DCK: variants seen among roughly 807,000 people sequenced by gnomAD.
DCK encodes deoxycytidine kinase, also known as deoxyadenosine kinase.
Under a neutral mutation model 38.3 loss-of-function variants are expected in DCK, and 23 were observed. That is an observed-to-expected ratio of 0.60 (90% CI 0.43 to 0.85). The LOEUF (loss-of-function observed/expected upper bound fraction) is 0.85, where lower values mean the gene tolerates loss of function less well. Ranked by LOEUF, DCK falls within the 40% of genes least tolerant of loss-of-function variation. The probability of loss-of-function intolerance (pLI) is 0.00; values close to 1 mark genes in which losing one functional copy is unlikely to be tolerated. For missense variants in DCK, 259 were observed against 304.4 expected, an observed-to-expected ratio of 0.85 and a Z score of 1.11; for synonymous variants, 108 against 100.6, an observed-to-expected ratio of 1.07 and a Z score of -0.44.
At chr4:71,007,867 C>T (rs533484187) in intron 2 of DCK, among the ~76,000 whole-genome samples, 6 of 152,164 alleles carry the variant, frequency 3.9e-5, no homozygotes, top group South Asian at 2.1e-4. Context: ...TAGGCCACCA[C>T]GCCTGTGTGC....
At chr4:71,012,452 A>G (rs1366314086) in intron 2 of DCK, among the ~76,000 whole-genome samples, 2 of 152,280 alleles carry the variant, frequency 1.3e-5, no homozygotes, top group Non-Finnish European at 2.9e-5. Context: ...AGATCTGAGA[A>G]CGGACAGACT....
In DCK at chr4:71,029,401, C is replaced by T; in HGVS notation, c.*23C>T. On this transcript the variant is annotated 3_prime_UTR_variant, in exon 7 of 7. Coordinates refer to ENST00000286648, the MANE Select transcript of DCK (RefSeq NM_000788.3). ...TGATCTTGCTGAAGACTACAGGCAGCCAAATGGTTCCAGATACTTCAGCTT... is the reference window on the plus strand; with the variant it reads ...TGATCTTGCTGAAGACTACAGGCAGTCAAATGGTTCCAGATACTTCAGCTT... 6.3e-7 allele frequency: 1 copy of T among 1,583,286 alleles called. No individual in the cohort carries two copies. Among genetic ancestry groups the T allele is most frequent in the African/African-American group, 1.3e-5 (1 of 74,266 alleles).
chr4:71,029,252 T>A (rs1232898894), intron 6 of DCK, 100 bp from the exon 7 acceptor site: 3 of 682,138 alleles, frequency 4.4e-6, no homozygotes, highest in Non-Finnish European at 2.4e-6. Context: ...CTTATACAGC[T>A]GGGGTCTTCA....
chr4:71,014,837 A>C (rs1740212843), intron 2 of DCK, among the ~76,000 whole-genome samples: 1 of 152,232 alleles, frequency 6.6e-6, no homozygotes, highest in African/African-American at 2.4e-5. Flanking sequence ...TAAAATTGAC[A>C]CCCTAACATC....
chr4:71,020,884 C>T (rs907936082), intron 2 of DCK, among the ~76,000 whole-genome samples: 1 of 151,976 alleles, frequency 6.6e-6, no homozygotes. Flanking sequence ...ATATTTTCTT[C>T]CCCAGATTTA....
intron 2 of DCK, among the ~76,000 whole-genome samples, chr4:71,006,815 A>G (rs141039233): frequency 6.6e-6 from 1 of 152,292 alleles, no homozygotes; most frequent in Admixed American, 6.5e-5. Flanking sequence ...AAAAGAAAAA[A>G]AGAAATTGAA....
rs546436278 is a variant in DCK at position 71,030,738 on chromosome 4, TTAAA to T, written c.*1366_*1369del. 3 of 152,142 alleles carry T rather than the reference TTAAA, an allele frequency of 2.0e-5. No homozygotes were observed. The highest frequency in any genetic ancestry group is 2.9e-5 in the Non-Finnish European group (2 of 67,992). The allele number at this position is 152,142 out of a possible 1,614,324, so 9.4% of individuals were successfully genotyped here. On this transcript the variant is annotated 3_prime_UTR_variant, in exon 7 of 7. Transcript: ENST00000286648. ...TTTAGAATTAAAATTTATTCTACTT[TTAAA>T]TAAATTATGAATATTAAAGGTGAAA... is the stretch of plus-strand genomic sequence containing the variant.
At position 71,022,480 on chromosome 4, in the gene DCK, T is replaced by C. The variant is rs551098198; in HGVS notation, c.321T>C (p.Ala107=). Residue 107 remains alanine (A), a synonymous_variant, in exon 3 of 7, where the codon GCT becomes GCC. Transcript: ENST00000286648. ...QTYACLSRIR[A]QLASLNGKLK... is the part of the protein sequence containing the mutation. ...ATGCCTGTCTCAGTCGAATAAGAGCTCAGCTTGCCTCTCTGAATGGCAAGC... is the reference window on the plus strand; with the variant it reads ...ATGCCTGTCTCAGTCGAATAAGAGCCCAGCTTGCCTCTCTGAATGGCAAGC... 5 of 1,609,674 alleles carry C rather than the reference T, an allele frequency of 3.1e-6. No homozygotes were observed. The Admixed American group carries it at 8.5e-5, about 27-fold the overall frequency.
intron 2 of DCK, among the ~76,000 whole-genome samples, chr4:71,009,685 G>T (rs990673678): frequency 6.6e-6 from 1 of 152,080 alleles, no homozygotes; most frequent in African/African-American, 2.4e-5. Context: ...TTAGAGTTTG[G>T]TGCACATTCT....
intron 2 of DCK, among the ~76,000 whole-genome samples, chr4:71,003,151 TGTG>T (rs1484178725): frequency 1.3e-5 from 2 of 152,196 alleles, no homozygotes; most frequent in Admixed American, 6.5e-5. Flanking sequence ...AGGCAGGCCT[TGTG>T]GTGATAAAAT....
At chr4:71,004,680 G>T (rs888281472) in intron 2 of DCK, among the ~76,000 whole-genome samples, 1 of 152,254 alleles carries the variant, frequency 6.6e-6, no homozygotes, top group African/African-American at 2.4e-5. Flanking sequence ...ATCTAGAGAG[G>T]CAGTCTAGCT....
At chr4:71,022,819 G>C (rs1411802564) in intron 3 of DCK, among the ~76,000 whole-genome samples, 1 of 152,044 alleles carries the variant, frequency 6.6e-6, no homozygotes, top group Non-Finnish European at 1.5e-5. Flanking sequence ...CAGAGAAGTT[G>C]TTTTTCCCTC....
chr4:71,016,869 A>G, intron 2 of DCK, among the ~76,000 whole-genome samples: 1 of 152,262 alleles, frequency 6.6e-6, no homozygotes, highest in Non-Finnish European at 1.5e-5. Flanking sequence ...GGACATAGGC[A>G]TGGGCAAGGA....
intron 2 of DCK, among the ~76,000 whole-genome samples, chr4:71,003,304 T>G (rs576156075): frequency 6.6e-6 from 1 of 152,226 alleles, no homozygotes; most frequent in Non-Finnish European, 1.5e-5. Context: ...TTCTGGCTTG[T>G]AGGGTTTCTG....
chr4:70,997,246 G>A (rs1364316677), intron 1 of DCK, among the ~76,000 whole-genome samples: 1 of 152,036 alleles, frequency 6.6e-6, no homozygotes, highest in African/African-American at 2.4e-5. Flanking sequence ...CTTCCATCTA[G>A]CTCAGTGAAT....
At chr4:71,004,489 G>T (rs556929190) in intron 2 of DCK, among the ~76,000 whole-genome samples, 1 of 152,232 alleles carries the variant, frequency 6.6e-6, no homozygotes, top group African/African-American at 2.4e-5. Flanking sequence ...TGAGCGCTGC[G>T]CTGGGAGTTC....
At chr4:71,026,883 A>G (rs1740559339) in intron 6 of DCK, 128 bp downstream of exon 6, 1 of 557,518 alleles carries the variant, frequency 1.8e-6, no homozygotes, top group South Asian at 2.5e-5. Context: ...GAGCTTTAGA[A>G]GATTTTGGAC....
At position 71,027,297 on chromosome 4, in the gene DCK, A is replaced by G. The variant is rs187632275; in HGVS notation, c.756+542A>G. 8.7e-4 allele frequency among the ~76,000 whole-genome samples: 132 copies of G among 152,188 alleles called. 3 individuals are homozygous for G. The highest frequency in any genetic ancestry group is 6.9e-3 in the Admixed American group (106 of 15,302). On this transcript the variant is annotated intron_variant, in intron 6 of 6. Coordinates refer to ENST00000286648, the MANE Select transcript of DCK (RefSeq NM_000788.3). ...TTAAGGGATTTTAGTTTTGAGTTTC[A>G]TTTGGGATCATGTCAAGGATTAATT...
rs1225988001 is a variant in DCK at position 71,012,856 on chromosome 4, G to A, written c.208-9511G>A. Reference sequence around the variant, plus strand: ...AGCTGAAAATTCTAAAAATCAGAGCGCCTCTCACCTCCAAAGGAACACAGC... The same window carrying A: ...AGCTGAAAATTCTAAAAATCAGAGCACCTCTCACCTCCAAAGGAACACAGC... On this transcript the variant is annotated intron_variant, in intron 2 of 6. Coordinates refer to ENST00000286648, the MANE Select transcript of DCK (RefSeq NM_000788.3). Among the ~76,000 whole-genome samples, 7 of 152,316 alleles carry A rather than the reference G, an allele frequency of 4.6e-5. No homozygotes were observed. In the South Asian group the frequency reaches 6.2e-4, roughly 14 times the overall value.
Sources: allele counts gnomAD v4.1 joint callset (sites outside exome capture counted in the v4.1 genomes callset), GRCh38; gene constraint gnomAD v4.1.1; transcripts MANE v1.5; gene names NCBI Gene and HGNC (gene_info 2026-07-23, HGNC 2026-07-21).